Variants in SORCS3 observed in about 807,000 individuals in gnomAD.
The protein encoded by SORCS3 is sortilin related VPS10 domain containing receptor 3, also known as VPS10 domain-containing receptor SorCS3.
In SORCS3, 57 loss-of-function variants were observed where a neutral mutation model predicts 146.3. The ratio of observed to expected loss-of-function variants is 0.39; its 90% CI spans 0.31 to 0.49. The LOEUF is 0.49. SORCS3 is among the 20% of genes least tolerant of loss of function. The probability of loss-of-function intolerance (pLI) is 0.92; values close to 1 mark genes in which losing one functional copy is unlikely to be tolerated. For missense variants in SORCS3, 1,341 were observed against 1,575.5 expected, an observed-to-expected ratio of 0.85 and a Z score of 2.52; for synonymous variants, 653 against 618.5, an observed-to-expected ratio of 1.06 and a Z score of -0.83.
intron 5 of SORCS3, among the ~76,000 whole-genome samples, chr10:105,059,305 A>G (rs2055467553): frequency 6.6e-6 from 1 of 152,168 alleles, no homozygotes; most frequent in Non-Finnish European, 1.5e-5. Context: ...TTCAAAATAC[A>G]TACACTCCCT....
chr10:104,705,929 A>G (rs1379322117), intron 1 of SORCS3, among the ~76,000 whole-genome samples: 2 of 152,184 alleles, frequency 1.3e-5, no homozygotes, highest in Non-Finnish European at 2.9e-5. Flanking sequence ...TCCTCTACCT[A>G]GAGGGGTGCT....
chr10:105,134,510 G>A (rs966242885), intron 7 of SORCS3, among the ~76,000 whole-genome samples: 7 of 144,424 alleles, frequency 4.8e-5, no homozygotes, highest in African/African-American at 1.8e-4. Context: ...ATAATGCCTT[G>A]AATACTGAGT....
intron 3 of SORCS3, among the ~76,000 whole-genome samples, chr10:104,925,490 T>C (rs1392410498): frequency 6.6e-6 from 1 of 152,190 alleles, no homozygotes; most frequent in African/African-American, 2.4e-5. Context: ...TTTTTGCCCC[T>C]TTTCAATGGG....
chr10:105,230,386 G>A (rs1392123476), intron 20 of SORCS3, among the ~76,000 whole-genome samples: 3 of 152,118 alleles, frequency 2.0e-5, no homozygotes, highest in Non-Finnish European at 2.9e-5. Context: ...GGTGCTTTTA[G>A]TGGTGGGCAG....
intron 3 of SORCS3, among the ~76,000 whole-genome samples, chr10:104,968,970 C>T (rs1171588310): frequency 2.0e-5 from 3 of 152,244 alleles, no homozygotes; most frequent in African/African-American, 7.2e-5. Context: ...CACTTGCTCA[C>T]TTTACCTGCT....
chr10:104,705,905 C>T (rs955623231), intron 1 of SORCS3, among the ~76,000 whole-genome samples: 1 of 152,178 alleles, frequency 6.6e-6, no homozygotes, highest in Non-Finnish European at 1.5e-5. Context: ...GATTTGAACT[C>T]GTAATTGGCC....
chr10:105,162,367 C>A (rs111846819), intron 11 of SORCS3, among the ~76,000 whole-genome samples: 106 of 152,294 alleles, frequency 7.0e-4, no homozygotes, highest in African/African-American at 2.4e-3. Flanking sequence ...ACAGCTGCAT[C>A]CCCTTCTTCC....
chr10:105,125,249 T>C (rs192388217), intron 7 of SORCS3, among the ~76,000 whole-genome samples: 1 of 152,326 alleles, frequency 6.6e-6, no homozygotes, highest in East Asian at 1.9e-4. Flanking sequence ...TGGCTAATTT[T>C]CTTTATTATT....
chr10:104,642,022 G>GGGGGGCCCC, intron 1 of SORCS3, 68 bp downstream of exon 1: 5 of 173,332 alleles, frequency 2.9e-5, no homozygotes, highest in East Asian at 1.5e-4. Context: ...GGGTGGGTGG[G>GGGGGGCCCC]AGCGAGGGAC....
intron 2 of SORCS3, among the ~76,000 whole-genome samples, chr10:104,895,675 T>A (rs1448301715): frequency 6.6e-6 from 1 of 152,142 alleles, no homozygotes; most frequent in Non-Finnish European, 1.5e-5. Flanking sequence ...CTACACTGAG[T>A]TCTGGCTTTG....
intron 1 of SORCS3, among the ~76,000 whole-genome samples, chr10:104,804,341 A>G (rs957383021): frequency 6.6e-6 from 1 of 152,212 alleles, no homozygotes; most frequent in African/African-American, 2.4e-5. Context: ...ACTCTTGACT[A>G]TATGAATTGT....
intron 7 of SORCS3, among the ~76,000 whole-genome samples, chr10:105,129,097 G>T (rs1055487739): frequency 6.6e-6 from 1 of 151,960 alleles, no homozygotes; most frequent in Non-Finnish European, 1.5e-5. Flanking sequence ...TTTATTTTCT[G>T]AAGTACTGGG....
In SORCS3 at chr10:105,204,992, T is replaced by C. The variant is rs116638476; in HGVS notation, c.2261+3739T>C. Among the ~76,000 whole-genome samples the C allele has an allele frequency of 4.7e-3, 720 of 152,330 alleles. 6 individuals carry two copies. The highest frequency in any genetic ancestry group is 0.017 in the African/African-American group (693 of 41,578). On this transcript the variant is annotated intron_variant, in intron 16 of 26. Transcript: ENST00000369701. ...CCTTGTCCCCTTCTCAATGGTCCTC[T>C]CTAGCAGGAAGTATTATTAGCTAAG...
Position 105,158,936 on chromosome 10 carries a change from A to G in SORCS3, c.1674A>G (p.Pro558=). ...LHLHLQLSEN[P]YSSGRISSKE... ...TGCACCTGCAACTCTCTGAAAATCCATATTCCTCAGGAAGAATCTCTAGCA... is the reference window on the plus strand; with the variant it reads ...TGCACCTGCAACTCTCTGAAAATCCGTATTCCTCAGGAAGAATCTCTAGCA... The change falls in exon 11 of 27, where the codon CCA becomes CCG. Residue 558 remains proline, a synonymous_variant. Coordinates refer to ENST00000369701, the MANE Select transcript of SORCS3 (RefSeq NM_014978.3). 6.2e-7 allele frequency: 1 copy of G among 1,613,238 alleles called. No individual in the cohort carries two copies. Among genetic ancestry groups the G allele is most frequent in the Non-Finnish European group, 8.5e-7 (1 of 1,179,346 alleles).
intron 1 of SORCS3, among the ~76,000 whole-genome samples, chr10:104,803,240 C>A (rs1447293424): frequency 6.6e-6 from 1 of 152,210 alleles, no homozygotes; most frequent in Non-Finnish European, 1.5e-5. Context: ...AAGTCTGTAG[C>A]TGTATGGAGA....
chr10:104,809,742 A>AT (rs1235398297), intron 1 of SORCS3, among the ~76,000 whole-genome samples: 2 of 152,192 alleles, frequency 1.3e-5, no homozygotes, highest in Non-Finnish European at 2.9e-5. Flanking sequence ...CTCCATCCTC[A>AT]TTTAATGAGC....
At chr10:104,807,976 T>A (rs1475446435) in intron 1 of SORCS3, among the ~76,000 whole-genome samples, 2 of 152,216 alleles carry the variant, frequency 1.3e-5, no homozygotes, top group African/African-American at 4.8e-5. Context: ...ATGTATATTA[T>A]GGTGTTCACA....
intron 7 of SORCS3, among the ~76,000 whole-genome samples, chr10:105,125,501 T>G (rs1013254025): frequency 2.0e-5 from 3 of 152,278 alleles, no homozygotes; most frequent in Non-Finnish European, 4.4e-5. Context: ...CACCAGAGCC[T>G]TCTTTCTCTG....
At position 105,255,732 on chromosome 10, in the gene SORCS3, C is replaced by A. The variant is rs865825711; in HGVS notation, c.3268C>A (p.Gln1090Lys). Residue 1090 changes from glutamine (Q) to lysine (K), a missense_variant, in exon 24 of 27, where the codon CAA becomes AAA. Physicochemically the swap from Gln to Lys is moderately conservative, Grantham distance 53. Coordinates refer to ENST00000369701, the MANE Select transcript of SORCS3 (RefSeq NM_014978.3). ...IVETLFNALN[Q>K]NLVQFELKPG... Reference sequence around the variant, plus strand: ...AGAAACACTGTTTAATGCTCTCAACCAAAATTTGGTCCAGTTTGAGCTGAA... The same window carrying A: ...AGAAACACTGTTTAATGCTCTCAACAAAAATTTGGTCCAGTTTGAGCTGAA... The A allele has an allele frequency of 6.2e-7, 1 of 1,613,774 alleles. No homozygotes were observed. Among genetic ancestry groups the A allele is most frequent in the Non-Finnish European group, 8.5e-7 (1 of 1,179,862 alleles).
Sources: gnomAD v4.1 joint callset for allele counts (sites outside exome capture counted in the v4.1 genomes callset) on GRCh38, gnomAD v4.1.1 for gene constraint, MANE v1.5 for transcripts, NCBI Gene and HGNC (gene_info 2026-07-23, HGNC 2026-07-21) for gene names.